The following FSHR variants were observed in gnomAD, a reference collection of about 807,000 sequenced individuals.
The protein encoded by FSHR is follicle-stimulating hormone receptor.
A neutral mutation model predicts 52.1 loss-of-function variants in FSHR; 46 were observed. The observed-to-expected ratio is 0.88, with a 90% confidence interval of 0.70 to 1.13. FSHR has a LOEUF of 1.13. FSHR is among the 50% of genes most tolerant of loss of function. FSHR has a pLI of 0.00. For missense variants in FSHR, 964 were observed against 834.6 expected (o/e 1.16, Z -1.91); for synonymous variants, 399 against 309.6 (o/e 1.29, Z -3.03).
chr2:49,057,467 A>C (rs982967743), intron 2 of FSHR, among the ~76,000 whole-genome samples: 2 of 152,170 alleles, frequency 1.3e-5, no homozygotes, highest in Non-Finnish European at 2.9e-5. Flanking sequence ...CAACCCACCA[A>C]GATTGAACCA....
intron 4 of FSHR, among the ~76,000 whole-genome samples, chr2:49,015,510 G>T (rs1030907889): frequency 6.6e-6 from 1 of 152,134 alleles, no homozygotes; most frequent in Non-Finnish European, 1.5e-5. Flanking sequence ...AGCCATGTGC[G>T]TCTCTCAGAA....
At chr2:48,980,757 C>T (rs1359428829) in intron 8 of FSHR, among the ~76,000 whole-genome samples, 1 of 152,170 alleles carries the variant, frequency 6.6e-6, no homozygotes, top group Admixed American at 6.5e-5. Flanking sequence ...CTGGTCCAGA[C>T]TCTGCCCCTT....
At chr2:49,031,982 T>C (rs975193345) in intron 2 of FSHR, among the ~76,000 whole-genome samples, 1 of 152,194 alleles carries the variant, frequency 6.6e-6, no homozygotes, top group Non-Finnish European at 1.5e-5. Flanking sequence ...ATGCATAGCT[T>C]GTATCTGTGC....
chr2:49,021,876 TATATATATATAGAGAGAGAG>T lies in FSHR; in HGVS notation c.225-1736_225-1717del, dbSNP rs1327903604. ...CTCTCTCTCTCTCTATATATATATA[TATATATATATAGAGAGAGAG>T]AGAGAGAGAGAGAGAGAGAGAGAGA... On this transcript the variant is annotated intron_variant, in intron 2 of 9. Transcript: ENST00000406846. Among the ~76,000 whole-genome samples, 240 of 65,144 alleles carry T rather than the reference TATATATATATAGAGAGAGAG, an allele frequency of 3.7e-3. 2 individuals are homozygous for T. Among genetic ancestry groups the T allele is most frequent in the East Asian group, 0.02 (20 of 982 alleles). 42.7% of individuals were successfully genotyped at this position (65,144 alleles called of 152,430 possible). A position where few individuals can be genotyped will look rare whatever the true frequency, so the allele number is the denominator to read the frequency against.
At chr2:49,069,714 G>A (rs1314249835) in intron 1 of FSHR, among the ~76,000 whole-genome samples, 1 of 152,136 alleles carries the variant, frequency 6.6e-6, no homozygotes, top group Non-Finnish European at 1.5e-5. Context: ...GAAGTTACAA[G>A]TGACCCTTTG....
At chr2:49,087,346 A>G (rs575512918) in intron 1 of FSHR, among the ~76,000 whole-genome samples, 2 of 152,132 alleles carry the variant, frequency 1.3e-5, no homozygotes, top group East Asian at 3.9e-4. Context: ...GATGGAAGGG[A>G]AACAAGAAAG....
chr2:48,974,440 T>C (rs1230737583), intron 8 of FSHR, among the ~76,000 whole-genome samples: 1 of 152,198 alleles, frequency 6.6e-6, no homozygotes, highest in Non-Finnish European at 1.5e-5. Flanking sequence ...TTGCACATGG[T>C]GGCTTTGATG....
intron 1 of FSHR, among the ~76,000 whole-genome samples, chr2:49,127,825 T>C (rs1558456594): frequency 4.7e-5 from 3 of 64,216 alleles, no homozygotes; most frequent in African/African-American, 2.1e-4. Context: ...TTCTTCTTCT[T>C]CTTCCTCTTC....
chr2:49,020,801 CAT>C (rs1333607397), intron 2 of FSHR, among the ~76,000 whole-genome samples: 1 of 152,110 alleles, frequency 6.6e-6, no homozygotes, highest in Admixed American at 6.5e-5. Flanking sequence ...TTAAAATACA[CAT>C]ATGTTTGTTG....
At chr2:49,017,421 G>A in intron 4 of FSHR, 68 bp downstream of exon 4, 1 of 1,198,046 alleles carries the variant, frequency 8.3e-7, no homozygotes, top group Admixed American at 1.7e-5. Flanking sequence ...GTATCAAGTA[G>A]GCCTTTTAGT....
chr2:49,003,668 C>T (rs946522281), intron 4 of FSHR, among the ~76,000 whole-genome samples: 13 of 151,924 alleles, frequency 8.6e-5, no homozygotes, highest in Admixed American at 1.3e-4. Context: ...CAGAGTGGGG[C>T]GAGGACCAGG....
At chr2:49,064,361 C>A (rs561301699) in intron 2 of FSHR, among the ~76,000 whole-genome samples, 1 of 152,230 alleles carries the variant, frequency 6.6e-6, no homozygotes, top group African/African-American at 2.4e-5. Context: ...GGCCCATCCC[C>A]ATGAAGAGAT....
chr2:49,062,294 A>T (rs945761373), intron 2 of FSHR, among the ~76,000 whole-genome samples: 2 of 152,160 alleles, frequency 1.3e-5, no homozygotes, highest in African/African-American at 2.4e-5. Flanking sequence ...CAACAAAGAC[A>T]TTGAGAACGT....
chr2:49,022,201 A>G (rs1043208456), intron 2 of FSHR, among the ~76,000 whole-genome samples: 16 of 152,218 alleles, frequency 1.1e-4, no homozygotes, highest in African/African-American at 3.6e-4. Context: ...CACCACTCGT[A>G]GAGACATATG....
At chr2:49,149,059 AT>A (rs577708818) in intron 1 of FSHR, among the ~76,000 whole-genome samples, 1 of 151,932 alleles carries the variant, frequency 6.6e-6, no homozygotes, top group Non-Finnish European at 1.5e-5. Context: ...GATAATGGTA[AT>A]TTTTTTAAAA....
rs768583889 is a variant in FSHR, at chr2:49,020,157, C to G, written c.228G>C (p.Glu76Asp). The G allele has an allele frequency of 8.7e-6, 14 of 1,612,892 alleles. No homozygotes were observed. The highest frequency in any genetic ancestry group is 1.2e-5 in the Non-Finnish European group (14 of 1,178,926). The change falls in exon 3 of 10, where the codon GAG becomes GAC. Residue 76 changes from glutamate to aspartate, a missense_variant. By Grantham distance (45) the Glu-to-Asp change is conservative. Coordinates refer to ENST00000406846, the MANE Select transcript of FSHR (RefSeq NM_000145.4). Reference sequence around the variant, plus strand: ...CCTCCAAGACATCATTCTGAGAGATCTCTCTGTGGAGAAAAAAATATATAA... The same window carrying G: ...CCTCCAAGACATCATTCTGAGAGATGTCTCTGTGGAGAAAAAAATATATAA... ...FSGFGDLEKI[E>D]ISQNDVLEVI...
chr2:49,095,514 A>G (rs572134930), intron 1 of FSHR, among the ~76,000 whole-genome samples: 10 of 152,364 alleles, frequency 6.6e-5, no homozygotes, highest in African/African-American at 2.4e-4. Flanking sequence ...AGCTAAAACT[A>G]TAAAACTTTT....
intron 1 of FSHR, among the ~76,000 whole-genome samples, chr2:49,123,137 A>C (rs775361484): frequency 6.6e-6 from 1 of 152,138 alleles, no homozygotes; most frequent in African/African-American, 2.4e-5. Flanking sequence ...TATTTTCCCT[A>C]TCAGGTCTAT....
At chr2:49,082,005 T>A (rs1192822739) in intron 1 of FSHR, among the ~76,000 whole-genome samples, 1 of 152,156 alleles carries the variant, frequency 6.6e-6, no homozygotes, top group Admixed American at 6.6e-5. Context: ...AGTTTAAAAG[T>A]TAAAGTTAGG....
Sources: allele counts gnomAD v4.1 joint callset (sites outside exome capture counted in the v4.1 genomes callset), GRCh38; gene constraint gnomAD v4.1.1; transcripts MANE v1.5; gene names NCBI Gene and HGNC (gene_info 2026-07-23, HGNC 2026-07-21).